Variants in CREB1 observed in about 807,000 individuals in gnomAD.
The protein encoded by CREB1 is cyclic AMP-responsive element-binding protein 1.
CREB1 carries 2 observed loss-of-function variants against 42.0 expected under a neutral mutation model. The ratio of observed to expected loss-of-function variants is 0.05; its 90% CI spans 0.02 to 0.15. The LOEUF (loss-of-function observed/expected upper bound fraction) is 0.15, where lower values mean the gene tolerates loss of function less well. Ranked by LOEUF, CREB1 falls within the 10% of genes least tolerant of loss-of-function variation. The pLI, the probability that CREB1 is intolerant of heterozygous loss-of-function variation, is 1.00. For missense variants in CREB1, 199 were observed against 388.9 expected, an observed-to-expected ratio of 0.51 and a Z score of 4.11; for synonymous variants, 123 against 139.9, an observed-to-expected ratio of 0.88 and a Z score of 0.85.
chr2:207,544,476 T>C (rs1401785533), intron 1 of CREB1, among the ~76,000 whole-genome samples: 1 of 152,234 alleles, frequency 6.6e-6, no homozygotes, highest in Non-Finnish European at 1.5e-5. Flanking sequence ...TAATAATTTA[T>C]ACCTGTCAAG....
chr2:207,556,281 A>G (rs911064614), intron 2 of CREB1, among the ~76,000 whole-genome samples: 2 of 152,182 alleles, frequency 1.3e-5, no homozygotes, highest in Admixed American at 1.3e-4. Flanking sequence ...CCTATCTTTA[A>G]GAATATTTTC....
At chr2:207,576,729 A>G in intron 6 of CREB1, 1 of 1,183,148 alleles carries the variant, frequency 8.5e-7, no homozygotes, top group Non-Finnish European at 1.1e-6. Flanking sequence ...TTCCACTCAA[A>G]CCATACATTT....
Position 207,603,070 on chromosome 2 carries a change from G to A in CREB1, c.*6012G>A, listed in dbSNP as rs1279281638. ...CAGGGTATTGATTTTTAACTCTGAT[G>A]TTTCTATTGGAGTTGAATACTAAAT... On this transcript the variant is annotated 3_prime_UTR_variant, in exon 8 of 8. Transcript: ENST00000353267. 4.7e-6 allele frequency: 1 copy of A among 211,426 alleles called. No homozygotes were observed. The highest frequency in any genetic ancestry group is 2.3e-5 in the African/African-American group (1 of 44,128). 13.1% of individuals were successfully genotyped at this position (211,426 alleles called of 1,614,324 possible).
At position 207,544,841 on chromosome 2, in the gene CREB1, A is replaced by G. The variant is rs1425157540; in HGVS notation, c.-8-10787A>G. The stretch of plus-strand genomic sequence containing the variant: ...GCGGTATTTGGTTTTCTGTTCCTGT[A>G]TTAGTTTGCTGAGGATAAAGGCCTC... On this transcript the variant is annotated intron_variant, in intron 1 of 7. Coordinates refer to ENST00000353267, the MANE Select transcript of CREB1 (RefSeq NM_004379.5). Among the ~76,000 whole-genome samples the G allele has an allele frequency of 2.6e-5, 4 of 152,124 alleles. No homozygotes were observed. In the South Asian group the frequency reaches 6.2e-4, roughly 24 times the overall value.
rs146249401 is a variant in CREB1 at position 207,601,909 on chromosome 2, T to G, written c.*4851T>G. On this transcript the variant is annotated 3_prime_UTR_variant, in exon 8 of 8. Transcript: ENST00000353267. Reference sequence around the variant, plus strand: ...ATATTCTTAATGTAATAATGTTGACTATTAAGTTGGCTACACAGTCACTGT... The same window carrying G: ...ATATTCTTAATGTAATAATGTTGACGATTAAGTTGGCTACACAGTCACTGT... The G allele has an allele frequency of 1.4e-5, 3 of 213,214 alleles. No individual in the cohort carries two copies. In the East Asian group the frequency reaches 2.1e-4, roughly 15 times the overall value. The allele number at this position is 213,214 out of a possible 1,614,324, so 13.2% of individuals were successfully genotyped here.
At chr2:207,547,906 C>G (rs1208064759) in intron 1 of CREB1, among the ~76,000 whole-genome samples, 1 of 151,394 alleles carries the variant, frequency 6.6e-6, no homozygotes, top group Non-Finnish European at 1.5e-5. Context: ...TCAAACCATG[C>G]AATATGTTTC....
chr2:207,552,814 C>T (rs188850404), intron 1 of CREB1, among the ~76,000 whole-genome samples: 315 of 152,030 alleles, frequency 2.1e-3, no homozygotes, highest in Non-Finnish European at 3.5e-3. Context: ...CCGGGTTTCA[C>T]CGTGTTGGCC....
intron 1 of CREB1, among the ~76,000 whole-genome samples, chr2:207,530,730 C>G (rs2080577440): frequency 6.6e-6 from 1 of 151,858 alleles, no homozygotes; most frequent in African/African-American, 2.4e-5. Flanking sequence ...CCGGTGGCTT[C>G]GGTGCCTGCC....
chr2:207,537,511 A>G (rs2080922356), intron 1 of CREB1, among the ~76,000 whole-genome samples: 1 of 152,354 alleles, frequency 6.6e-6, no homozygotes, highest in South Asian at 2.1e-4. Flanking sequence ...GGCAAAGATC[A>G]TTAAAGCAGC....
At chr2:207,548,036 C>G (rs571485434) in intron 1 of CREB1, among the ~76,000 whole-genome samples, 9 of 152,084 alleles carry the variant, frequency 5.9e-5, no homozygotes, top group South Asian at 2.1e-4. Context: ...CCGGGTACAG[C>G]ATTCTTGTGC....
At position 207,605,930 on chromosome 2, in the gene CREB1, A is replaced by G. The variant is rs2106762535; in HGVS notation, c.*8872A>G. Among the ~76,000 whole-genome samples, 1 of 152,312 alleles carries G rather than the reference A, an allele frequency of 6.6e-6. No homozygotes were observed. The highest frequency in any genetic ancestry group is 1.9e-4 in the East Asian group (1 of 5,186). ...TTAACTTATGTTGATTACTATTTTT[A>G]TGTCAAACTTTACAGTCTAGGCATT... On this transcript the variant is annotated 3_prime_UTR_variant, in exon 8 of 8. Transcript: ENST00000353267.
chr2:207,566,319 G>C (rs748543549), intron 3 of CREB1, among the ~76,000 whole-genome samples: 1 of 152,156 alleles, frequency 6.6e-6, no homozygotes, highest in Admixed American at 6.5e-5. Flanking sequence ...ATTGCCATAC[G>C]TTTTGACGTG....
chr2:207,571,795 C>G, intron 5 of CREB1: 1 of 448,112 alleles, frequency 2.2e-6, no homozygotes, highest in Non-Finnish European at 4.5e-6. Context: ...GAGATTCTCA[C>G]TTGAACTAGG....
chr2:207,574,658 G>C (rs902958030), intron 5 of CREB1, among the ~76,000 whole-genome samples: 1 of 152,056 alleles, frequency 6.6e-6, no homozygotes, highest in Non-Finnish European at 1.5e-5. Flanking sequence ...TGATGATCTT[G>C]AGCTCTGATT....
intron 1 of CREB1, among the ~76,000 whole-genome samples, chr2:207,535,367 G>C (rs938256866): frequency 1.3e-5 from 2 of 152,012 alleles, no homozygotes; most frequent in Admixed American, 1.3e-4. Context: ...TGGCCCAAAA[G>C]GTTTTTATAG....
intron 5 of CREB1, among the ~76,000 whole-genome samples, chr2:207,574,075 G>A (rs2082478928): frequency 6.6e-6 from 1 of 152,180 alleles, no homozygotes; most frequent in Non-Finnish European, 1.5e-5. Flanking sequence ...TTTCACAAGT[G>A]TCATTTTGCT....
At chr2:207,531,952 G>T (rs924332795) in intron 1 of CREB1, among the ~76,000 whole-genome samples, 5 of 152,212 alleles carry the variant, frequency 3.3e-5, no homozygotes, top group East Asian at 3.8e-4. Context: ...TTGGGGAAAT[G>T]ATTTTATTTC....
intron 7 of CREB1, among the ~76,000 whole-genome samples, chr2:207,590,083 GTTTTT>G (rs59126515): frequency 5.3e-5 from 4 of 76,148 alleles, no homozygotes; most frequent in Admixed American, 3.5e-4. Flanking sequence ...ATTTTGAGAA[GTTTTT>G]TTTTTTTTTT....
intron 1 of CREB1, among the ~76,000 whole-genome samples, chr2:207,532,350 A>T (rs1385871974): frequency 6.6e-6 from 1 of 151,522 alleles, no homozygotes. Flanking sequence ...GAAAGAATAT[A>T]TGACTCTTCA....
Sources: allele counts gnomAD v4.1 joint callset (sites outside exome capture counted in the v4.1 genomes callset), GRCh38; gene constraint gnomAD v4.1.1; transcripts MANE v1.5; gene names NCBI Gene and HGNC (gene_info 2026-07-23, HGNC 2026-07-21).